The following RASAL1 variants were observed in gnomAD, a reference collection of about 807,000 sequenced individuals.
RASAL1 encodes RAS protein activator like 1.
RASAL1 carries 72 observed loss-of-function variants against 96.6 expected under a neutral mutation model. That is an observed-to-expected ratio of 0.75 (90% CI 0.62 to 0.91). The LOEUF (loss-of-function observed/expected upper bound fraction) is 0.91, where lower values mean the gene tolerates loss of function less well. Ranked by LOEUF, RASAL1 falls within the 40% of genes least tolerant of loss-of-function variation. RASAL1 has a pLI of 0.00. For missense variants in RASAL1, 1,016 were observed against 1,072.5 expected, an observed-to-expected ratio of 0.95 and a Z score of 0.74; for synonymous variants, 405 against 430.4, an observed-to-expected ratio of 0.94 and a Z score of 0.73.
rs755812691 is a variant in RASAL1, at chr12:113,115,294, G to A, written c.1004-30C>T. 2.5e-6 allele frequency: 4 copies of A among 1,594,814 alleles called. No individual in the cohort carries two copies. The highest frequency in any genetic ancestry group is 3.4e-6 in the Non-Finnish European group (4 of 1,162,604). ...GAGGACAGGAGGAAGTGTTTGCTGG[G>A]ATTTAGGGAGCTGAACCCAGCTCAC... On this transcript the variant is annotated intron_variant, in intron 10 of 20. Coordinates refer to ENST00000548055, the MANE Select transcript of RASAL1 (RefSeq NM_001301202.2). The surrounding 1 kb of genome is among the most constrained non-coding windows in gnomAD (Gnocchi z 4.1).
At chr12:113,105,421 G>A (rs1950610334) in intron 16 of RASAL1, among the ~76,000 whole-genome samples, 1 of 152,212 alleles carries the variant, frequency 6.6e-6, no homozygotes, top group Non-Finnish European at 1.5e-5. Context: ...GGGAGCATTG[G>A]AGAGAGGCTC....
At chr12:113,102,290 G>T (rs1950476168) in intron 18 of RASAL1, among the ~76,000 whole-genome samples, 1 of 152,180 alleles carries the variant, frequency 6.6e-6, no homozygotes, top group Admixed American at 6.5e-5. Flanking sequence ...TGGAGCGGTG[G>T]CTCACGCCTG....
intron 20 of RASAL1, among the ~76,000 whole-genome samples, 200 bp from the exon 21 acceptor site, chr12:113,100,268 C>A (rs542942303): frequency 6.6e-6 from 1 of 152,208 alleles, no homozygotes; most frequent in South Asian, 2.1e-4. Context: ...GAAGTGCCTG[C>A]GAAGAAAAAG....
At chr12:113,103,840 G>T in intron 18 of RASAL1, 106 bp downstream of exon 18, 1 of 1,437,356 alleles carries the variant, frequency 7.0e-7, no homozygotes, top group Non-Finnish European at 9.5e-7. Flanking sequence ...GCATAGAGAG[G>T]TTGAGTAACT....
chr12:113,113,251 T>A (rs1053997162), intron 12 of RASAL1, among the ~76,000 whole-genome samples: 6 of 152,192 alleles, frequency 3.9e-5, no homozygotes, highest in African/African-American at 1.2e-4. Flanking sequence ...CCTGGACTTG[T>A]CTCTGGCATG....
Position 113,099,638 on chromosome 12 carries a change from G to C in RASAL1, c.*291C>G. On this transcript the variant is annotated 3_prime_UTR_variant, in exon 21 of 21. Coordinates refer to ENST00000548055, the MANE Select transcript of RASAL1 (RefSeq NM_001301202.2). Reference sequence around the variant, plus strand: ...CCTTGGTATGGATAGAGGCCAGTTTGGTGAAGTAGAGACCCCAGTCTCAGT... The same window carrying C: ...CCTTGGTATGGATAGAGGCCAGTTTCGTGAAGTAGAGACCCCAGTCTCAGT... The C allele has an allele frequency of 3.4e-6, 1 of 291,210 alleles. No individual in the cohort carries two copies. The highest frequency in any genetic ancestry group is 6.3e-6 in the Non-Finnish European group (1 of 157,896). 18.0% of individuals were successfully genotyped at this position (291,210 alleles called of 1,614,324 possible).
intron 5 of RASAL1, among the ~76,000 whole-genome samples, chr12:113,120,819 CT>C (rs1951268918): frequency 6.6e-6 from 1 of 152,206 alleles, no homozygotes. Context: ...CACCACCCCC[CT>C]CTCACATGAC....
In RASAL1 at chr12:113,099,625, T is replaced by C. The variant is rs999938380; in HGVS notation, c.*304A>G. 4 of 268,366 alleles carry C rather than the reference T, an allele frequency of 1.5e-5. No individual in the cohort carries two copies. The highest frequency in any genetic ancestry group is 2.2e-5 in the African/African-American group (1 of 45,644). 16.6% of individuals were successfully genotyped at this position (268,366 alleles called of 1,614,324 possible). ...GCCAGGCTGGCCTCCTTGGTATGGA[T>C]AGAGGCCAGTTTGGTGAAGTAGAGA... On this transcript the variant is annotated 3_prime_UTR_variant, in exon 21 of 21. Transcript: ENST00000548055.
intron 16 of RASAL1, among the ~76,000 whole-genome samples, chr12:113,105,237 C>A (rs1341265553): frequency 6.6e-6 from 1 of 152,254 alleles, no homozygotes; most frequent in Non-Finnish European, 1.5e-5. Flanking sequence ...GTCTTGTTCA[C>A]TTCTGTATCT....
chr12:113,100,596 GCCTTTA>G (rs1950407378), intron 20 of RASAL1, 26 bp downstream of exon 20: 4 of 1,582,098 alleles, frequency 2.5e-6, no homozygotes, highest in South Asian at 1.1e-5. Context: ...ACTGCACCCA[GCCTTTA>G]CCTTCTGAGG....
intron 18 of RASAL1, 118 bp downstream of exon 18, chr12:113,103,828 A>T: frequency 1.5e-6 from 2 of 1,297,310 alleles, no homozygotes; most frequent in Non-Finnish European, 2.2e-6. Context: ...GAGGAGACTG[A>T]GGCATAGAGA....
rs910019081 is a variant in RASAL1 at position 113,108,156 on chromosome 12, G to T, written c.1441C>A (p.Pro481Thr). The T allele has an allele frequency of 1.9e-6, 3 of 1,613,714 alleles. No homozygotes were observed. The highest frequency in any genetic ancestry group is 1.7e-5 in the Admixed American group (1 of 59,934). The change falls in exon 14 of 21, where the codon CCA (proline) becomes ACA (threonine). Residue 481 changes from proline to threonine, a missense_variant. By Grantham distance (38) the Pro-to-Thr change is conservative (BLOSUM62 -1). Transcript: ENST00000548055. The stretch of plus-strand genomic sequence containing the variant: ...TGGTCCCGAAGGTCAAACAGCTTTG[G>T]GGTAAGGATGGCAGGTGCGAAGAAT... Reference protein sequence around the residue: ...LRFFAPAILTPKLFDLRDQHA... With the variant: ...LRFFAPAILTTKLFDLRDQHA...
At chr12:113,104,439 T>C (rs1027172288) in intron 16 of RASAL1, 141 bp from the exon 17 acceptor site, 1 of 755,172 alleles carries the variant, frequency 1.3e-6, no homozygotes, top group Non-Finnish European at 2.1e-6. Context: ...CTCTGTGTGC[T>C]CGTCCATCCA....
intron 4 of RASAL1, among the ~76,000 whole-genome samples, chr12:113,123,691 C>T (rs1266196714): frequency 1.3e-5 from 2 of 152,178 alleles, no homozygotes; most frequent in Admixed American, 6.5e-5. Context: ...TCAAGCAATT[C>T]TCATGTCTCA....
chr12:113,105,909 G>A lies in RASAL1; in HGVS notation c.1658-23C>T, dbSNP rs527728549. The stretch of plus-strand genomic sequence containing the variant: ...CTTCTAGGAGATGGGAGAAGAGAGC[G>A]GTGGACAGTGAGCCCTCCCTAACCA... On this transcript the variant is annotated intron_variant, in intron 15 of 20. Coordinates refer to ENST00000548055, the MANE Select transcript of RASAL1 (RefSeq NM_001301202.2). The A allele has an allele frequency of 7.5e-6, 12 of 1,601,162 alleles. No homozygotes were observed. The East Asian group carries it at 1.1e-4, about 15-fold the overall frequency.
Position 113,115,501 on chromosome 12 carries a change from G to C in RASAL1, c.1003+134C>G, listed in dbSNP as rs1025618021. On this transcript the variant is annotated intron_variant, in intron 10 of 20. Transcript: ENST00000548055. This position sits in a 1 kb window ranked among gnomAD's most constrained non-coding sequence, Gnocchi z 4.1. Reference sequence around the variant, plus strand: ...CAATTGGGCTCCCAACTGTCTGGAGGTGCACAGCACAGGGACCCACAGAAA... The same window carrying C: ...CAATTGGGCTCCCAACTGTCTGGAGCTGCACAGCACAGGGACCCACAGAAA... 29 of 1,259,600 alleles carry C rather than the reference G, an allele frequency of 2.3e-5. No homozygotes were observed. Among genetic ancestry groups the C allele is most frequent in the Middle Eastern group, 2.7e-4 (1 of 3,666 alleles). The allele number at this position is 1,259,600 out of a possible 1,614,324, so 78.0% of individuals were successfully genotyped here.
chr12:113,125,092 T>C (rs1951432211), intron 4 of RASAL1, among the ~76,000 whole-genome samples: 1 of 146,396 alleles, frequency 6.8e-6, no homozygotes, highest in Non-Finnish European at 1.5e-5. Context: ...TGAGAACTTG[T>C]CTCTTAAAAA....
chr12:113,100,089 C>T (rs1365949108), intron 20 of RASAL1, 21 bp from the exon 21 acceptor site: 2 of 1,576,660 alleles, frequency 1.3e-6, no homozygotes, highest in Admixed American at 3.6e-5. Flanking sequence ...GACAAGAGGC[C>T]ACAGGGGCTC....
At chr12:113,109,481 T>A (rs886346257) in intron 13 of RASAL1, among the ~76,000 whole-genome samples, 13 of 152,078 alleles carry the variant, frequency 8.5e-5, no homozygotes, top group African/African-American at 3.1e-4. Context: ...GCCTGGCCCA[T>A]CTAAAGGTAA....
Sources: gnomAD v4.1 joint callset for allele counts (sites outside exome capture counted in the v4.1 genomes callset) on GRCh38, gnomAD v4.1.1 for gene constraint, Gnocchi (gnomAD v3.1) non-coding constraint, MANE v1.5 for transcripts, NCBI Gene and HGNC (gene_info 2026-07-23, HGNC 2026-07-21) for gene names.